The following HAPLN1 variants were observed in gnomAD, a reference collection of about 807,000 sequenced individuals.
HAPLN1 encodes the protein hyaluronan and proteoglycan link protein 1.
In HAPLN1, 13 loss-of-function variants were observed where a neutral mutation model predicts 36.5. The ratio of observed to expected loss-of-function variants is 0.36; its 90% confidence interval spans 0.23 to 0.57. The LOEUF (loss-of-function observed/expected upper bound fraction) is 0.57. HAPLN1 is among the 20% of genes least tolerant of loss of function. HAPLN1 has a pLI of 0.83. For synonymous variants in HAPLN1, 202 were observed against 169.8 expected (o/e 1.19, Z -1.48); for missense variants, 407 against 439.7 (o/e 0.93, Z 0.66).
intron 2 of HAPLN1, among the ~76,000 whole-genome samples, chr5:83,665,536 T>C (rs1750528094): frequency 6.6e-6 from 1 of 152,188 alleles, no homozygotes; most frequent in Non-Finnish European, 1.5e-5. Context: ...AAAGGCGTTT[T>C]TATTTTAAAC....
In HAPLN1 at chr5:83,661,486, G is replaced by A. The variant is rs575887786; in HGVS notation, c.101-8662C>T. Reference sequence around the variant, plus strand: ...TTGAGACGGAGTCCTGCTCTGTTGCGAAGGCCGGAGTGCAGTGGCGCGATC... The same window carrying A: ...TTGAGACGGAGTCCTGCTCTGTTGCAAAGGCCGGAGTGCAGTGGCGCGATC... On this transcript the variant is annotated intron_variant, in intron 2 of 4. Transcript: ENST00000274341. Among the ~76,000 whole-genome samples the A allele has an allele frequency of 3.8e-3, 468 of 124,432 alleles. 3 individuals are homozygous for A. The highest frequency in any genetic ancestry group is 2.9e-3 in the Non-Finnish European group (183 of 63,028). 81.6% of individuals were successfully genotyped at this position (124,432 alleles called of 152,430 possible).
chr5:83,643,869 TC>T (rs1749775152), intron 4 of HAPLN1, among the ~76,000 whole-genome samples: 1 of 152,250 alleles, frequency 6.6e-6, no homozygotes, highest in Admixed American at 6.5e-5. Flanking sequence ...CTGCAACCTT[TC>T]CTTCTGCTTT....
intron 2 of HAPLN1, among the ~76,000 whole-genome samples, chr5:83,666,297 T>C (rs1260685870): frequency 1.3e-5 from 2 of 152,186 alleles, no homozygotes; most frequent in Non-Finnish European, 2.9e-5. Flanking sequence ...TACTAAGCCA[T>C]TAAGCTATAG....
intron 4 of HAPLN1, among the ~76,000 whole-genome samples, chr5:83,643,024 T>G (rs533509390): frequency 3.3e-5 from 5 of 152,118 alleles, no homozygotes; most frequent in Non-Finnish European, 5.9e-5. Context: ...ATATGGCCCT[T>G]TACAGAAAAA....
chr5:83,680,382 T>C (rs1293659864), intron 1 of HAPLN1, among the ~76,000 whole-genome samples: 1 of 152,182 alleles, frequency 6.6e-6, no homozygotes, highest in African/African-American at 2.4e-5. Context: ...GCAGTACATA[T>C]ATATACTAAT....
intron 2 of HAPLN1, among the ~76,000 whole-genome samples, chr5:83,670,463 G>A (rs1225655920): frequency 6.6e-6 from 1 of 152,108 alleles, no homozygotes; most frequent in Non-Finnish European, 1.5e-5. Flanking sequence ...AGACTTTGTG[G>A]ACAAATGAAG....
At chr5:83,667,285 CA>C (rs1420603057) in intron 2 of HAPLN1, among the ~76,000 whole-genome samples, 1 of 152,096 alleles carries the variant, frequency 6.6e-6, no homozygotes, top group Admixed American at 6.6e-5. Context: ...GATCAAATGG[CA>C]AGCCTATGTT....
Position 83,641,251 on chromosome 5 carries a change from A to T in HAPLN1, c.*245T>A, listed in dbSNP as rs1749682541. On this transcript the variant is annotated 3_prime_UTR_variant, in exon 5 of 5. Transcript: ENST00000274341. ...TACTTTGTTGGGATGATACAGCTTA[A>T]ACAGTTTGGCTCTAAGTCTCCTTAC... The T allele has an allele frequency of 4.8e-6, 1 of 208,990 alleles. No homozygotes were observed. The highest frequency in any genetic ancestry group is 2.3e-5 in the African/African-American group (1 of 43,538). 12.9% of individuals were successfully genotyped at this position (208,990 alleles called of 1,614,324 possible). A position where few individuals can be genotyped will look rare whatever the true frequency, so the allele number is the denominator to read the frequency against.
chr5:83,661,830 G>C (rs1230525031), intron 2 of HAPLN1, among the ~76,000 whole-genome samples: 1 of 152,110 alleles, frequency 6.6e-6, no homozygotes, highest in Non-Finnish European at 1.5e-5. Context: ...AAATTGAATG[G>C]AATAAAATGG....
In HAPLN1 at chr5:83,673,529, T is replaced by C. The variant is rs1392220331; in HGVS notation, c.-6A>G. 1 of 1,603,058 alleles carries C rather than the reference T, an allele frequency of 6.2e-7. No homozygotes were observed. Among genetic ancestry groups the C allele is most frequent in the Non-Finnish European group, 8.5e-7 (1 of 1,170,322 alleles). On this transcript the variant is annotated 5_prime_UTR_variant, in exon 2 of 5. Transcript: ENST00000274341. Reference sequence around the variant, plus strand: ...AGAAGAAGTAGACTCTTCATCTTTATAGCCCAAAGAATCTTCTTCACTGCG... The same window carrying C: ...AGAAGAAGTAGACTCTTCATCTTTACAGCCCAAAGAATCTTCTTCACTGCG...
chr5:83,645,114 C>T (rs1006156711), intron 3 of HAPLN1, among the ~76,000 whole-genome samples: 1 of 134,088 alleles, frequency 7.5e-6, no homozygotes, highest in Admixed American at 7.9e-5. Flanking sequence ...ATACTAAGAG[C>T]GGAGGGGATG....
intron 2 of HAPLN1, among the ~76,000 whole-genome samples, chr5:83,665,293 A>G (rs1470962475): frequency 6.6e-6 from 1 of 152,226 alleles, no homozygotes; most frequent in Non-Finnish European, 1.5e-5. Flanking sequence ...TCATCTAGAA[A>G]GAAAATATAT....
rs1001118628 is a variant in HAPLN1 at position 83,644,468 on chromosome 5, C to T, written c.670G>A (p.Glu224Lys). Residue 224 changes from glutamate to lysine, a missense_variant, in exon 4 of 5, where the codon GAG becomes AAG. Physicochemically the swap from Glu to Lys is moderately conservative, Grantham distance 56 (BLOSUM62 1). Transcript: ENST00000274341. Reference protein sequence around the residue: ...SVQYPITKPREPCGGQNTVPG... With the variant: ...SVQYPITKPRKPCGGQNTVPG... ...ACTGTGTTCTGCCCCCCACAGGGCT[C>T]TCTGGGCTTTGTGATGGGATATTGC... The T allele has an allele frequency of 6.2e-7, 1 of 1,613,310 alleles. No homozygotes were observed. Among genetic ancestry groups the T allele is most frequent in the Non-Finnish European group, 8.5e-7 (1 of 1,179,644 alleles).
intron 1 of HAPLN1, among the ~76,000 whole-genome samples, chr5:83,690,597 A>T (rs1751246685): frequency 6.6e-6 from 1 of 152,046 alleles, no homozygotes; most frequent in Non-Finnish European, 1.5e-5. Flanking sequence ...GCTATGGTTT[A>T]TTAAATGGGT....
chr5:83,665,841 C>A (rs565449803), intron 2 of HAPLN1, among the ~76,000 whole-genome samples: 3 of 152,294 alleles, frequency 2.0e-5, no homozygotes, highest in Admixed American at 6.5e-5. Flanking sequence ...GACATGGTGA[C>A]TAGTCACTGA....
At chr5:83,665,362 T>C (rs1657274379) in intron 2 of HAPLN1, among the ~76,000 whole-genome samples, 1 of 152,184 alleles carries the variant, frequency 6.6e-6, no homozygotes, top group African/African-American at 2.4e-5. Flanking sequence ...GACTTACATG[T>C]CTTTCCTTTC....
intron 2 of HAPLN1, among the ~76,000 whole-genome samples, chr5:83,666,685 G>A (rs1750560987): frequency 6.6e-6 from 1 of 152,068 alleles, no homozygotes; most frequent in Admixed American, 6.6e-5. Context: ...ATAGTTCAAA[G>A]TTCTAAATAA....
chr5:83,662,243 G>A (rs1170522506), intron 2 of HAPLN1, among the ~76,000 whole-genome samples: 3 of 152,154 alleles, frequency 2.0e-5, no homozygotes, highest in Admixed American at 1.3e-4. Flanking sequence ...AGTGCTAAAT[G>A]AGATGACCCA....
intron 1 of HAPLN1, among the ~76,000 whole-genome samples, chr5:83,699,692 G>A (rs1333011007): frequency 6.6e-6 from 1 of 151,968 alleles, no homozygotes; most frequent in Non-Finnish European, 1.5e-5. Flanking sequence ...GTGATTCACG[G>A]GAACATTCTG....
Sources: gnomAD v4.1 joint callset for allele counts (sites outside exome capture counted in the v4.1 genomes callset) on GRCh38, gnomAD v4.1.1 for gene constraint, MANE v1.5 for transcripts, NCBI Gene and HGNC (gene_info 2026-07-23, HGNC 2026-07-21) for gene names.